ZMAT4: variants seen among roughly 807,000 people sequenced by gnomAD.
ZMAT4 encodes zinc finger matrin-type 4.
In ZMAT4, 17 loss-of-function variants were observed where a neutral mutation model predicts 28.7. The observed-to-expected ratio is 0.59, with a 90% CI of 0.41 to 0.89. The LOEUF (loss-of-function observed/expected upper bound fraction) is 0.89, where lower values mean the gene tolerates loss of function less well. Among genes scored for constraint, ZMAT4 ranks in the 40% least tolerant of loss-of-function variants. ZMAT4 has a pLI of 0.00. For synonymous variants in ZMAT4, 117 were observed against 109.2 expected, an observed-to-expected ratio of 1.07 and a Z score of -0.44; for missense variants, 240 against 283.8, an observed-to-expected ratio of 0.85 and a Z score of 1.11.
intron 1 of ZMAT4, among the ~76,000 whole-genome samples, chr8:40,834,065 C>A (rs1005653061): frequency 2.0e-5 from 3 of 152,324 alleles, no homozygotes; most frequent in African/African-American, 7.2e-5. Context: ...CTTTTAATGG[C>A]ACCATTTTCT....
intron 5 of ZMAT4, among the ~76,000 whole-genome samples, chr8:40,603,824 G>T (rs558432800): frequency 6.6e-6 from 1 of 151,992 alleles, no homozygotes; most frequent in East Asian, 1.9e-4. Flanking sequence ...TAGAGATGGG[G>T]TTTTACTGTG....
intron 5 of ZMAT4, among the ~76,000 whole-genome samples, chr8:40,638,035 C>T (rs915177102): frequency 1.5e-4 from 23 of 152,054 alleles, no homozygotes; most frequent in African/African-American, 5.6e-4. Flanking sequence ...AGAGTAGAAT[C>T]GTGGTTATCA....
intron 2 of ZMAT4, among the ~76,000 whole-genome samples, chr8:40,798,224 C>T (rs1814677400): frequency 6.6e-6 from 1 of 152,156 alleles, no homozygotes; most frequent in Non-Finnish European, 1.5e-5. Flanking sequence ...CAGATATGCT[C>T]AGGGTCCTGA....
chr8:40,595,847 G>T (rs1805072715), intron 5 of ZMAT4, among the ~76,000 whole-genome samples: 1 of 152,138 alleles, frequency 6.6e-6, no homozygotes, highest in South Asian at 2.1e-4. Flanking sequence ...ACTTTGGGAG[G>T]CCGAGGCAGG....
At chr8:40,677,638 G>A (rs1445212652) in intron 4 of ZMAT4, among the ~76,000 whole-genome samples, 1 of 152,162 alleles carries the variant, frequency 6.6e-6, no homozygotes, top group Non-Finnish European at 1.5e-5. Flanking sequence ...TATGTGGGAG[G>A]AGAGCAGTTT....
At chr8:40,865,898 C>A (rs2150649307) in intron 1 of ZMAT4, among the ~76,000 whole-genome samples, 1 of 152,328 alleles carries the variant, frequency 6.6e-6, no homozygotes, top group Middle Eastern at 3.4e-3. Context: ...GCCAAACCAA[C>A]TAACTTTCCA....
intron 2 of ZMAT4, among the ~76,000 whole-genome samples, chr8:40,795,017 C>A (rs1586063821): frequency 6.6e-6 from 1 of 152,124 alleles, no homozygotes; most frequent in Admixed American, 6.5e-5. Context: ...GCTTAGGAAC[C>A]TAAGACAAAG....
At chr8:40,698,700 G>A (rs1480773298) in intron 3 of ZMAT4, among the ~76,000 whole-genome samples, 3 of 152,338 alleles carry the variant, frequency 2.0e-5, no homozygotes, top group East Asian at 3.9e-4. Flanking sequence ...TGGTAGTTAG[G>A]AAATGAATTC....
intron 6 of ZMAT4, among the ~76,000 whole-genome samples, chr8:40,572,112 T>C (rs1184208300): frequency 6.6e-6 from 1 of 152,184 alleles, no homozygotes; most frequent in Non-Finnish European, 1.5e-5. Context: ...AGGTTCTTTG[T>C]GGTTCATGTA....
chr8:40,786,761 C>T, intron 2 of ZMAT4: 2 of 1,288,980 alleles, frequency 1.6e-6, no homozygotes, highest in Non-Finnish European at 2.0e-6. Context: ...ATGAAATTCC[C>T]CTTCCTCAAG....
At chr8:40,658,643 C>T (rs1808043557) in intron 5 of ZMAT4, among the ~76,000 whole-genome samples, 1 of 151,710 alleles carries the variant, frequency 6.6e-6, no homozygotes, top group Non-Finnish European at 1.5e-5. Flanking sequence ...CACACACACA[C>T]ACACACACAC....
chr8:40,750,178 C>T (rs899769312), intron 3 of ZMAT4, among the ~76,000 whole-genome samples: 1 of 152,018 alleles, frequency 6.6e-6, no homozygotes, highest in Non-Finnish European at 1.5e-5. Context: ...ATGTCACAAC[C>T]CTTGGCTGAT....
At chr8:40,563,221 C>A (rs1388060247) in intron 6 of ZMAT4, among the ~76,000 whole-genome samples, 1 of 152,198 alleles carries the variant, frequency 6.6e-6, no homozygotes, top group Non-Finnish European at 1.5e-5. Flanking sequence ...ATCCAGGCAG[C>A]TTTCTCTCAT....
intron 2 of ZMAT4, among the ~76,000 whole-genome samples, chr8:40,789,044 G>A (rs1335600108): frequency 5.0e-4 from 68 of 135,450 alleles, no homozygotes; most frequent in Non-Finnish European, 9.7e-4. Flanking sequence ...AAGGAAGGAA[G>A]GAGAAGGGAA....
At chr8:40,730,137 C>G (rs1002898587) in intron 3 of ZMAT4, among the ~76,000 whole-genome samples, 1 of 152,110 alleles carries the variant, frequency 6.6e-6, no homozygotes, top group Admixed American at 6.6e-5. Context: ...CACAATTATC[C>G]ATGAATGGAA....
chr8:40,813,359 G>T (rs1235999935), intron 2 of ZMAT4, among the ~76,000 whole-genome samples: 1 of 152,204 alleles, frequency 6.6e-6, no homozygotes, highest in Non-Finnish European at 1.5e-5. Context: ...ATTAAAATCA[G>T]GAAGGGTAAA....
At chr8:40,644,461 A>G (rs1807207470) in intron 5 of ZMAT4, among the ~76,000 whole-genome samples, 1 of 152,326 alleles carries the variant, frequency 6.6e-6, no homozygotes, top group Non-Finnish European at 1.5e-5. Context: ...CAACAAAAAG[A>G]GTTCCCAATA....
chr8:40,771,202 A>G (rs1234558482), intron 2 of ZMAT4, among the ~76,000 whole-genome samples: 1 of 151,076 alleles, frequency 6.6e-6, no homozygotes, highest in Admixed American at 6.6e-5. Flanking sequence ...TTTTAAATGT[A>G]TATTATATAT....
intron 6 of ZMAT4, among the ~76,000 whole-genome samples, chr8:40,544,578 G>A (rs1292653704): frequency 6.6e-6 from 1 of 152,212 alleles, no homozygotes; most frequent in African/African-American, 2.4e-5. Flanking sequence ...TTTTCTTGGA[G>A]AGAATTGTGG....
Sources: allele counts gnomAD v4.1 joint callset (sites outside exome capture counted in the v4.1 genomes callset), GRCh38; gene constraint gnomAD v4.1.1; transcripts MANE v1.5; gene names NCBI Gene and HGNC (gene_info 2026-07-23, HGNC 2026-07-21).